CUBN: variants seen among roughly 807,000 people sequenced by gnomAD.
CUBN encodes the protein cubilin, also known as 460 kDa receptor.
A neutral mutation model predicts 405.3 loss-of-function variants in CUBN; 282 were observed. The observed-to-expected ratio is 0.70, with a 90% CI of 0.63 to 0.77. The LOEUF (loss-of-function observed/expected upper bound fraction) is 0.77. Ranked by LOEUF, CUBN falls within the 30% of genes least tolerant of loss-of-function variation. The pLI is 0.00. For synonymous variants in CUBN, 1,684 were observed against 1,617.0 expected (o/e 1.04, Z -0.99); for missense variants, 4,514 against 4,475.2 (o/e 1.01, Z -0.25).
chr10:16,886,878 T>G (rs1840835797), intron 56 of CUBN, among the ~76,000 whole-genome samples: 1 of 152,250 alleles, frequency 6.6e-6, no homozygotes, highest in South Asian at 2.1e-4. Context: ...AACTTCCGCC[T>G]CCTGGGTTCA....
At chr10:17,084,543 TACCCACACACAC>T in intron 16 of CUBN, 82 bp from the exon 17 acceptor site, 1 of 1,056,656 alleles carries the variant, frequency 9.5e-7, no homozygotes, top group Non-Finnish European at 1.4e-6. Flanking sequence ...TCTAAAAATT[TACCCACACACAC>T]ACACACACAA....
At chr10:16,954,652 T>G in intron 31 of CUBN, 104 bp from the exon 32 acceptor site, 1 of 1,260,758 alleles carries the variant, frequency 7.9e-7, no homozygotes, top group South Asian at 1.3e-5. Context: ...TAATCACACG[T>G]TTGCTGGATC....
intron 33 of CUBN, 27 bp from the exon 34 acceptor site, chr10:16,950,138 C>A: frequency 6.6e-7 from 1 of 1,525,348 alleles, no homozygotes; most frequent in South Asian, 1.1e-5. Flanking sequence ...AAGACTCTCT[C>A]GTAAAGTACT....
chr10:16,923,448 T>G (rs1842094368), intron 43 of CUBN, among the ~76,000 whole-genome samples: 2 of 151,846 alleles, frequency 1.3e-5, no homozygotes, highest in African/African-American at 4.8e-5. Context: ...ATAGATATGG[T>G]GGGAAGATAG....
intron 48 of CUBN, among the ~76,000 whole-genome samples, chr10:16,908,675 A>G (rs1841627926): frequency 6.6e-6 from 1 of 152,180 alleles, no homozygotes; most frequent in Non-Finnish European, 1.5e-5. Flanking sequence ...TATAAAATCA[A>G]ATGAATTTGC....
chr10:16,905,822 A>G (rs1217438823), intron 50 of CUBN, among the ~76,000 whole-genome samples: 2 of 152,272 alleles, frequency 1.3e-5, no homozygotes, highest in Middle Eastern at 3.4e-3. Flanking sequence ...GCATATGAAG[A>G]ATATTGTAGG....
intron 46 of CUBN, among the ~76,000 whole-genome samples, 162 bp downstream of exon 46, chr10:16,915,659 T>C (rs1249350324): frequency 7.9e-5 from 12 of 152,188 alleles, no homozygotes; most frequent in African/African-American, 2.4e-4. Context: ...AATGGTAGAA[T>C]TGAGGGAGAG....
chr10:16,941,447 A>C (rs1842648974), intron 36 of CUBN, among the ~76,000 whole-genome samples: 2 of 152,194 alleles, frequency 1.3e-5, no homozygotes, highest in Non-Finnish European at 2.9e-5. Flanking sequence ...TGACCTTGGG[A>C]TGGGCAAATA....
At chr10:17,072,652 T>C (rs1835766608) in intron 17 of CUBN, among the ~76,000 whole-genome samples, 1 of 152,188 alleles carries the variant, frequency 6.6e-6, no homozygotes, top group Non-Finnish European at 1.5e-5. Flanking sequence ...TCATGTGGTA[T>C]TCATAAATAC....
At position 16,840,320 on chromosome 10, in the gene CUBN, T is replaced by C. The variant is rs772987151; in HGVS notation, c.10032+10A>G. On this transcript the variant is annotated intron_variant, in intron 62 of 66. Coordinates refer to ENST00000377833, the MANE Select transcript of CUBN (RefSeq NM_001081.4). The stretch of plus-strand genomic sequence containing the variant: ...CTAGATGTGACTGCCATTCATCTTA[T>C]AATTGTTACCTGCGGTGAGTCCTGA... 3.7e-6 allele frequency: 6 copies of C among 1,612,180 alleles called. No individual in the cohort carries two copies. The highest frequency in any genetic ancestry group is 2.2e-5 in the East Asian group (1 of 44,892).
chr10:17,092,539 A>C (rs1273101518), intron 14 of CUBN, among the ~76,000 whole-genome samples: 1 of 152,174 alleles, frequency 6.6e-6, no homozygotes, highest in Non-Finnish European at 1.5e-5. Context: ...GCAGTAGAGA[A>C]GGCAGTCAAA....
chr10:16,992,161 T>C (rs866477043), intron 28 of CUBN, among the ~76,000 whole-genome samples: 4 of 151,884 alleles, frequency 2.6e-5, no homozygotes, highest in Non-Finnish European at 5.9e-5. Context: ...AAACACCACA[T>C]GTTCTCACTC....
At chr10:17,030,175 A>G (rs973782575) in intron 27 of CUBN, among the ~76,000 whole-genome samples, 15 of 152,330 alleles carry the variant, frequency 9.8e-5, no homozygotes, top group African/African-American at 3.6e-4. Flanking sequence ...CACTGATTCT[A>G]CATGATGGTG....
rs201849162 is a variant in CUBN at position 16,872,958 on chromosome 10, A to AC, written c.9236+1415dup. Among the ~76,000 whole-genome samples, 7 of 152,328 alleles carry AC rather than the reference A, an allele frequency of 4.6e-5. No homozygotes were observed. In the East Asian group the frequency reaches 7.7e-4, roughly 17 times the overall value. ...AGCCTATAGAACGCCTGATACAGGAACCAAATCAGGCTTGATGAGAGATGT... is the reference window on the plus strand; with the variant it reads ...AGCCTATAGAACGCCTGATACAGGAACCCAAATCAGGCTTGATGAGAGATGT... On this transcript the variant is annotated intron_variant, in intron 58 of 66. Coordinates refer to ENST00000377833, the MANE Select transcript of CUBN (RefSeq NM_001081.4).
intron 64 of CUBN, among the ~76,000 whole-genome samples, chr10:16,832,733 A>G (rs907825452): frequency 6.6e-6 from 1 of 152,216 alleles, no homozygotes; most frequent in South Asian, 2.1e-4. Flanking sequence ...CTGGGACATC[A>G]GAGGATCTTG....
chr10:16,904,650 G>A (rs1374204034), intron 50 of CUBN, among the ~76,000 whole-genome samples: 1 of 152,222 alleles, frequency 6.6e-6, no homozygotes, highest in Non-Finnish European at 1.5e-5. Context: ...AACATGTACA[G>A]AGCACCAACA....
intron 66 of CUBN, among the ~76,000 whole-genome samples, chr10:16,827,793 G>A (rs1407850942): frequency 1.3e-5 from 2 of 152,228 alleles, no homozygotes; most frequent in Non-Finnish European, 2.9e-5. Flanking sequence ...TAGAGACGGG[G>A]TTTCCCCATG....
chr10:17,000,293 C>T (rs1346678611), intron 28 of CUBN, among the ~76,000 whole-genome samples: 2 of 134,586 alleles, frequency 1.5e-5, no homozygotes, highest in South Asian at 2.4e-4. Flanking sequence ...TCTCCCAGAT[C>T]GGTGGATTCC....
At chr10:16,866,199 A>G (rs932769962) in intron 59 of CUBN, among the ~76,000 whole-genome samples, 4 of 152,230 alleles carry the variant, frequency 2.6e-5, no homozygotes, top group African/African-American at 9.6e-5. Context: ...AAATGAAACA[A>G]TGATGCTACT....
Sources: gnomAD v4.1 joint callset for allele counts (sites outside exome capture counted in the v4.1 genomes callset) on GRCh38, gnomAD v4.1.1 for gene constraint, MANE v1.5 for transcripts, NCBI Gene and HGNC (gene_info 2026-07-23, HGNC 2026-07-21) for gene names.